The following WDFY1 variants were observed in gnomAD, a reference collection of about 807,000 sequenced individuals.
The protein encoded by WDFY1 is WD repeat and FYVE domain containing 1, also known as WD repeat and FYVE domain-containing protein 1.
In WDFY1, 32 loss-of-function variants were observed where a neutral mutation model predicts 56.4. That is an observed-to-expected ratio of 0.57 (90% CI 0.43 to 0.76). The LOEUF is 0.76. Among genes scored for constraint, WDFY1 ranks in the 30% least tolerant of loss-of-function variants. The pLI, the probability that WDFY1 is intolerant of heterozygous loss-of-function variation, is 0.00. For synonymous variants in WDFY1, 192 were observed against 197.3 expected, an observed-to-expected ratio of 0.97 and a Z score of 0.23; for missense variants, 480 against 545.7, an observed-to-expected ratio of 0.88 and a Z score of 1.20.
intron 3 of WDFY1, among the ~76,000 whole-genome samples, chr2:223,911,837 A>T (rs1693708767): frequency 6.7e-6 from 1 of 148,372 alleles, no homozygotes. Context: ...TTTTTTTGAG[A>T]CATGGTTTCC....
At chr2:223,913,056 C>A (rs1693730241) in intron 2 of WDFY1, among the ~76,000 whole-genome samples, 1 of 151,710 alleles carries the variant, frequency 6.6e-6, no homozygotes, top group Admixed American at 6.6e-5. Flanking sequence ...ACAAAACAAA[C>A]AAATTTGAAT....
intron 9 of WDFY1, 56 bp from the exon 10 acceptor site, chr2:223,882,128 G>C (rs1237258208): frequency 6.4e-7 from 1 of 1,570,736 alleles, no homozygotes; most frequent in East Asian, 2.3e-5. Flanking sequence ...TTTTTGTTTT[G>C]TTTTGAGACA....
intron 5 of WDFY1, among the ~76,000 whole-genome samples, chr2:223,899,954 T>C (rs538039790): frequency 1.4e-4 from 22 of 152,324 alleles, no homozygotes; most frequent in African/African-American, 5.3e-4. Context: ...TAAATTACTG[T>C]GGATAGTTTA....
chr2:223,917,208 T>C (rs1693803115), intron 2 of WDFY1, among the ~76,000 whole-genome samples: 1 of 152,280 alleles, frequency 6.6e-6, no homozygotes, highest in Middle Eastern at 3.4e-3. Context: ...CTATTTAGAA[T>C]GTGTTGTACC....
At chr2:223,883,989 T>C (rs1406946082) in intron 9 of WDFY1, among the ~76,000 whole-genome samples, 3 of 151,392 alleles carry the variant, frequency 2.0e-5, no homozygotes, top group African/African-American at 4.8e-5. Context: ...TAATCGCTCA[T>C]AGAGATGCAA....
intron 8 of WDFY1, among the ~76,000 whole-genome samples, chr2:223,885,488 C>T (rs1046121512): frequency 4.6e-5 from 7 of 152,188 alleles, no homozygotes; most frequent in African/African-American, 1.2e-4. Flanking sequence ...CGAGCCACTG[C>T]GCCCAGCCTT....
intron 1 of WDFY1, among the ~76,000 whole-genome samples, chr2:223,937,768 C>A (rs1462989554): frequency 6.6e-6 from 1 of 152,190 alleles, no homozygotes; most frequent in Non-Finnish European, 1.5e-5. Flanking sequence ...CTTCTCAAGT[C>A]TTCAGTTTAT....
intron 3 of WDFY1, among the ~76,000 whole-genome samples, chr2:223,909,614 C>G (rs567801776): frequency 5.3e-5 from 8 of 152,204 alleles, no homozygotes; most frequent in African/African-American, 1.9e-4. Context: ...CCAACTGCCT[C>G]CCCCACCCAG....
intron 5 of WDFY1, 67 bp from the exon 6 acceptor site, chr2:223,899,137 A>G: frequency 7.8e-7 from 1 of 1,287,112 alleles, no homozygotes; most frequent in South Asian, 1.2e-5. Context: ...GAGAGATACC[A>G]GCATTAGTCA....
chr2:223,940,044 A>G (rs546602534), intron 1 of WDFY1, among the ~76,000 whole-genome samples: 10 of 152,290 alleles, frequency 6.6e-5, no homozygotes, highest in African/African-American at 2.4e-4. Flanking sequence ...TAAATGTAAA[A>G]AGCTACTGGC....
intron 4 of WDFY1, 152 bp from the exon 5 acceptor site, chr2:223,901,485 C>G: frequency 1.1e-6 from 1 of 928,554 alleles, no homozygotes; most frequent in Non-Finnish European, 1.6e-6. Context: ...ATATTTCAGA[C>G]AACCCGCCCC....
chr2:223,894,489 A>T (rs1271434971), intron 7 of WDFY1, 150 bp from the exon 8 acceptor site: 7 of 699,324 alleles, frequency 1.0e-5, no homozygotes, highest in Non-Finnish European at 1.7e-5. Context: ...TTCTAGTATA[A>T]ACTTTACTTG....
intron 8 of WDFY1, among the ~76,000 whole-genome samples, chr2:223,892,839 A>G (rs528852087): frequency 6.6e-6 from 1 of 152,376 alleles, no homozygotes; most frequent in East Asian, 1.9e-4. Context: ...CTGCAATGCA[A>G]TATCAATAAG....
intron 3 of WDFY1, among the ~76,000 whole-genome samples, chr2:223,911,173 T>C (rs1693691678): frequency 6.6e-6 from 1 of 152,202 alleles, no homozygotes. Context: ...AGTCTATTTA[T>C]ATAAAGTGTC....
chr2:223,916,816 T>C (rs1173570245), intron 2 of WDFY1, among the ~76,000 whole-genome samples: 1 of 131,534 alleles, frequency 7.6e-6, no homozygotes, highest in Non-Finnish European at 1.6e-5. Context: ...CCAGGGCTGC[T>C]TTTTTTTTTT....
At chr2:223,915,452 T>C (rs964787570) in intron 2 of WDFY1, among the ~76,000 whole-genome samples, 4 of 152,200 alleles carry the variant, frequency 2.6e-5, no homozygotes, top group African/African-American at 9.6e-5. Flanking sequence ...AGAAATTAAT[T>C]ACAAAGTTGT....
intron 1 of WDFY1, among the ~76,000 whole-genome samples, chr2:223,934,069 C>A (rs1258521346): frequency 7.4e-6 from 1 of 135,748 alleles, no homozygotes; most frequent in African/African-American, 2.7e-5. Context: ...GGAATAGCAG[C>A]CTTTTTCTTT....
At chr2:223,897,739 C>T (rs936765017) in intron 6 of WDFY1, among the ~76,000 whole-genome samples, 1 of 152,012 alleles carries the variant, frequency 6.6e-6, no homozygotes, top group African/African-American at 2.4e-5. Flanking sequence ...GTAGTTGGCT[C>T]ATGGGGGTGG....
chr2:223,940,425 TAAGAG>T (rs1332342430), intron 1 of WDFY1, among the ~76,000 whole-genome samples: 1 of 152,130 alleles, frequency 6.6e-6, no homozygotes, highest in Non-Finnish European at 1.5e-5. Context: ...GAACTGCTGA[TAAGAG>T]AAGGTGACTG....
Sources: allele counts gnomAD v4.1 joint callset (sites outside exome capture counted in the v4.1 genomes callset), GRCh38; gene constraint gnomAD v4.1.1; transcripts MANE v1.5; gene names NCBI Gene and HGNC (gene_info 2026-07-23, HGNC 2026-07-21).